The following ADORA2B variants were observed in gnomAD, a reference collection of about 807,000 sequenced individuals.
ADORA2B encodes adenosine receptor A2b.
In ADORA2B, 18 loss-of-function variants were observed where a neutral mutation model predicts 20.8. The observed-to-expected ratio is 0.87, with a 90% confidence interval of 0.60 to 1.29. The LOEUF (loss-of-function observed/expected upper bound fraction) is 1.29. Among genes scored for constraint, ADORA2B ranks in the 50% most tolerant of loss-of-function variants. The pLI is 0.00. For synonymous variants in ADORA2B, 179 were observed against 178.3 expected, an observed-to-expected ratio of 1.00 and a Z score of -0.03; for missense variants, 441 against 422.7, an observed-to-expected ratio of 1.04 and a Z score of -0.38.
the ADORA2B span, among the ~76,000 whole-genome samples, chr17:15,886,603 C>T: frequency 4.6e-5 from 6 of 130,498 alleles, 2 homozygotes; most frequent in African/African-American, 2.0e-4. Flanking sequence ...GGAGAGGAGC[C>T]AGCAGAGCTG....
At chr17:15,870,422 T>A in the ADORA2B span, among the ~76,000 whole-genome samples, 1 of 152,184 alleles carries the variant, frequency 6.6e-6, no homozygotes, top group Non-Finnish European at 1.5e-5. Flanking sequence ...ACAGATCTCT[T>A]GAGCCCAGGA....
the ADORA2B span, among the ~76,000 whole-genome samples, chr17:15,888,586 T>C: frequency 1.6e-5 from 2 of 125,712 alleles, no homozygotes; most frequent in African/African-American, 6.9e-5. Flanking sequence ...ATCTGTAACA[T>C]CTTTAACCTA....
At chr17:15,930,510 G>C in the ADORA2B span, among the ~76,000 whole-genome samples, 1 of 152,094 alleles carries the variant, frequency 6.6e-6, no homozygotes, top group Non-Finnish European at 1.5e-5. Context: ...TGGCCAAGCT[G>C]GTCTTGAACT....
chr17:15,930,909 C>T, the ADORA2B span, among the ~76,000 whole-genome samples: 1 of 152,230 alleles, frequency 6.6e-6, no homozygotes, highest in Non-Finnish European at 1.5e-5. Flanking sequence ...GGCCTGACAG[C>T]ACTTGTTTGG....
At chr17:15,956,376 G>T (rs1969966180) in intron 1 of ADORA2B, among the ~76,000 whole-genome samples, 1 of 152,062 alleles carries the variant, frequency 6.6e-6, no homozygotes, top group Non-Finnish European at 1.5e-5. Flanking sequence ...CCCACAGGCT[G>T]TCTTCCTCTT....
intron 1 of ADORA2B, among the ~76,000 whole-genome samples, chr17:15,959,040 G>A (rs762893014): frequency 6.6e-6 from 1 of 152,140 alleles, no homozygotes; most frequent in African/African-American, 2.4e-5. Flanking sequence ...GCTCTGAACC[G>A]ATGAGCTTGT....
intron 1 of ADORA2B, among the ~76,000 whole-genome samples, chr17:15,958,270 G>A (rs146260302): frequency 0.013 from 2,002 of 152,190 alleles, 31 homozygotes; most frequent in Non-Finnish European, 0.022. Context: ...TGCCCACCTC[G>A]GCCTTCCAAA....
chr17:15,937,118 G>C, the ADORA2B span, among the ~76,000 whole-genome samples: 1 of 151,948 alleles, frequency 6.6e-6, no homozygotes, highest in Non-Finnish European at 1.5e-5. Flanking sequence ...ATAATATTTT[G>C]TTGAAAGCAC....
chr17:15,883,174 C>T, the ADORA2B span, among the ~76,000 whole-genome samples: 2 of 152,186 alleles, frequency 1.3e-5, no homozygotes, highest in African/African-American at 4.8e-5. Flanking sequence ...CTAGTATAAA[C>T]TAAACTTAAT....
chr17:15,867,593 G>A, the ADORA2B span, among the ~76,000 whole-genome samples: 34 of 149,442 alleles, frequency 2.3e-4, no homozygotes, highest in Middle Eastern at 3.5e-3. Context: ...CCCCCCGCCC[G>A]GCCAGCCACC....
chr17:15,883,902 G>T, the ADORA2B span, among the ~76,000 whole-genome samples: 7 of 152,306 alleles, frequency 4.6e-5, no homozygotes, highest in East Asian at 1.4e-3. Context: ...CAGTGGTGAC[G>T]GAATTAAAGC....
chr17:15,926,146 C>T, the ADORA2B span, among the ~76,000 whole-genome samples: 276 of 152,144 alleles, frequency 1.8e-3, 2 homozygotes, highest in African/African-American at 6.3e-3. Flanking sequence ...CTTTCAGCCT[C>T]GCATTTCTGA....
At chr17:15,905,600 T>A in the ADORA2B span, among the ~76,000 whole-genome samples, 1 of 151,944 alleles carries the variant, frequency 6.6e-6, no homozygotes, top group Non-Finnish European at 1.5e-5. Flanking sequence ...TAGGATAGTC[T>A]CGATCTCCTG....
chr17:15,947,727 G>A (rs1303417680), intron 1 of ADORA2B, among the ~76,000 whole-genome samples: 1 of 152,238 alleles, frequency 6.6e-6, no homozygotes. Context: ...GGTGCCTGGG[G>A]CAGGCCTTCC....
At chr17:15,924,133 G>T in the ADORA2B span, among the ~76,000 whole-genome samples, 1 of 151,780 alleles carries the variant, frequency 6.6e-6, no homozygotes, top group Non-Finnish European at 1.5e-5. Context: ...GGCTGGTCTC[G>T]ATCTCCTGAC....
the ADORA2B span, among the ~76,000 whole-genome samples, chr17:15,874,521 C>T: frequency 1.3e-5 from 2 of 150,048 alleles, no homozygotes; most frequent in African/African-American, 4.9e-5. Context: ...GACCCTGTGT[C>T]TACCAAAAAA....
the ADORA2B span, among the ~76,000 whole-genome samples, chr17:15,877,692 T>A: frequency 1.5e-4 from 23 of 152,264 alleles, no homozygotes; most frequent in African/African-American, 5.3e-4. Context: ...AGAGGCTTCA[T>A]TTTATACTCT....
At chr17:15,895,258 A>G in the ADORA2B span, among the ~76,000 whole-genome samples, 2 of 152,230 alleles carry the variant, frequency 1.3e-5, no homozygotes, top group East Asian at 3.8e-4. Context: ...TGTTTGGCCA[A>G]ATATCTGGGT....
the ADORA2B span, among the ~76,000 whole-genome samples, chr17:15,936,568 C>T: frequency 5.3e-5 from 8 of 152,310 alleles, no homozygotes; most frequent in African/African-American, 1.9e-4. Context: ...GATCCACCCA[C>T]CTCAGCCTCC....
Sources: allele counts gnomAD v4.1 joint callset (sites outside exome capture counted in the v4.1 genomes callset), GRCh38; gene constraint gnomAD v4.1.1; transcripts MANE v1.5; gene names NCBI Gene and HGNC (gene_info 2026-07-23, HGNC 2026-07-21).